The following PDCD11 variants were observed in gnomAD, a reference collection of about 807,000 sequenced individuals.
The protein encoded by PDCD11 is protein RRP5 homolog.
Under a neutral mutation model 198.9 loss-of-function variants are expected in PDCD11, and 97 were observed. The observed-to-expected ratio is 0.49, with a 90% CI of 0.41 to 0.58. PDCD11 has a LOEUF of 0.58. PDCD11 is among the 20% of genes least tolerant of loss of function. PDCD11 has a pLI of 0.00. For synonymous variants in PDCD11, 893 were observed against 918.0 expected, an observed-to-expected ratio of 0.97 and a Z score of 0.49; for missense variants, 2,102 against 2,312.7, an observed-to-expected ratio of 0.91 and a Z score of 1.87.
chr10:103,399,358 T>C (rs1230742551), intron 2 of PDCD11, among the ~76,000 whole-genome samples: 1 of 151,944 alleles, frequency 6.6e-6, no homozygotes, highest in Non-Finnish European at 1.5e-5. Flanking sequence ...CTGATGTTTT[T>C]GTTATTTTTG....
In PDCD11 at chr10:103,424,978, T is replaced by C. The variant is rs762956306; in HGVS notation, c.2764-6T>C. Reference sequence around the variant, plus strand: ...AAGCAGGGATGGTGGCTTTTCTCTCTTCTAGCTGAGGAAAGGCAGCGAACA... The same window carrying C: ...AAGCAGGGATGGTGGCTTTTCTCTCCTCTAGCTGAGGAAAGGCAGCGAACA... On this transcript the variant is annotated splice_polypyrimidine_tract_variant and splice_region_variant and intron_variant, in intron 19 of 35. Transcript: ENST00000369797. The C allele has an allele frequency of 7.4e-6, 12 of 1,613,650 alleles. No individual in the cohort carries two copies. Among genetic ancestry groups the C allele is most frequent in the South Asian group, 1.1e-5 (1 of 91,072 alleles).
chr10:103,433,044 G>A (rs546674972), intron 22 of PDCD11, among the ~76,000 whole-genome samples: 22 of 152,182 alleles, frequency 1.4e-4, no homozygotes, highest in African/African-American at 5.3e-4. Flanking sequence ...CTTCCTACAT[G>A]TTGCTTGCTG....
chr10:103,443,980 A>G lies in PDCD11; in HGVS notation c.5190A>G (p.Lys1730=), dbSNP rs1293954032. The G allele has an allele frequency of 6.2e-6, 10 of 1,613,764 alleles. No individual in the cohort carries two copies. Among genetic ancestry groups the G allele is most frequent in the Admixed American group, 5.0e-5 (3 of 59,992 alleles). The change falls in exon 34 of 36, where the codon AAA becomes AAG. Residue 1730 remains lysine (K), a synonymous_variant. Transcript: ENST00000369797. ...GGCAGGAGAAAGCTGTGTGGATCAA[A>G]TACGGCGCCTTCCTTCTGCGGAGGA... is the stretch of plus-strand genomic sequence containing the variant. ...RFRQEKAVWI[K]YGAFLLRRSQ... is the part of the protein sequence containing the mutation.
At chr10:103,409,097 A>C (rs376630880) in intron 7 of PDCD11, among the ~76,000 whole-genome samples, 11 of 152,336 alleles carry the variant, frequency 7.2e-5, no homozygotes, top group African/African-American at 2.2e-4. Flanking sequence ...TGACATTTTC[A>C]GAATTTGCAC....
chr10:103,406,460 T>A, intron 6 of PDCD11, 149 bp from the exon 7 acceptor site: 1 of 657,832 alleles, frequency 1.5e-6, no homozygotes, highest in Non-Finnish European at 2.6e-6. Context: ...CTTCTTGTAG[T>A]TGGCCCCTTA....
intron 8 of PDCD11, among the ~76,000 whole-genome samples, chr10:103,412,327 A>AT (rs977404847): frequency 2.6e-4 from 33 of 125,520 alleles, no homozygotes; most frequent in East Asian, 2.4e-4. Context: ...TGCCCGGCTA[A>AT]TTTTTTTTTT....
intron 22 of PDCD11, among the ~76,000 whole-genome samples, chr10:103,432,761 C>T (rs953850259): frequency 6.6e-6 from 1 of 152,166 alleles, no homozygotes; most frequent in Non-Finnish European, 1.5e-5. Context: ...TGAGCATGAT[C>T]GTCTCTGATG....
At chr10:103,402,282 C>G (rs1038955923) in intron 3 of PDCD11, among the ~76,000 whole-genome samples, 2 of 152,140 alleles carry the variant, frequency 1.3e-5, no homozygotes, top group African/African-American at 2.4e-5. Context: ...ATGTAAAAGG[C>G]AAAGGTGTCC....
At chr10:103,422,831 T>A (rs1477331161) in intron 17 of PDCD11, among the ~76,000 whole-genome samples, 157 bp from the exon 18 acceptor site, 1 of 152,122 alleles carries the variant, frequency 6.6e-6, no homozygotes, top group African/African-American at 2.4e-5. Context: ...TGACAAGAGT[T>A]TTCATGGATA....
In PDCD11 at chr10:103,423,021, C is replaced by T. The variant is rs2031525220; in HGVS notation, c.2531C>T (p.Thr844Ile). ...TTGATCCAGACGCTGGCCGAGATGA[C>T]CCCAGGAATGTTCCTTGACCTAGTG... ...SVLIQTLAEM[T>I]PGMFLDLVVQ... The change falls in exon 18 of 36, where the codon ACC becomes ATC. Residue 844 changes from threonine (T) to isoleucine (I), a missense_variant. Physicochemically the swap from Thr to Ile is moderately conservative, Grantham distance 89. Coordinates refer to ENST00000369797, the MANE Select transcript of PDCD11 (RefSeq NM_014976.2). 1 of 1,595,596 alleles carries T rather than the reference C, an allele frequency of 6.3e-7. No individual in the cohort carries two copies. The highest frequency in any genetic ancestry group is 8.5e-7 in the Non-Finnish European group (1 of 1,170,810).
At chr10:103,399,698 C>T (rs1270852259) in intron 2 of PDCD11, 1 of 152,092 alleles carries the variant, frequency 6.6e-6, no homozygotes, top group African/African-American at 2.4e-5. Flanking sequence ...GATTGCAATT[C>T]CATGATGAGG....
At chr10:103,430,804 C>G (rs1005040819) in intron 21 of PDCD11, among the ~76,000 whole-genome samples, 26 of 146,310 alleles carry the variant, frequency 1.8e-4, no homozygotes, top group African/African-American at 6.3e-4. Flanking sequence ...CTTTTGCTCT[C>G]TTTTTTTTTT....
At chr10:103,411,586 T>G (rs1394398593) in intron 8 of PDCD11, among the ~76,000 whole-genome samples, 3 of 152,072 alleles carry the variant, frequency 2.0e-5, no homozygotes, top group Non-Finnish European at 4.4e-5. Flanking sequence ...AGGCTGGTCT[T>G]AAACACCTGG....
chr10:103,444,215 C>T (rs982847833), intron 34 of PDCD11, 147 bp downstream of exon 34: 5 of 690,684 alleles, frequency 7.2e-6, no homozygotes, highest in Non-Finnish European at 1.2e-5. Flanking sequence ...CTCAGCATAA[C>T]AGTGCATGTT....
chr10:103,401,741 A>AT (rs879910264), intron 3 of PDCD11, among the ~76,000 whole-genome samples: 435 of 146,092 alleles, frequency 3.0e-3, no homozygotes, highest in Non-Finnish European at 3.6e-3. Context: ...GAAAACTAAA[A>AT]TTTTTTTTTT....
intron 3 of PDCD11, among the ~76,000 whole-genome samples, chr10:103,400,963 C>G (rs1284429916): frequency 6.6e-6 from 1 of 152,138 alleles, no homozygotes; most frequent in Non-Finnish European, 1.5e-5. Flanking sequence ...CTATTTTGCC[C>G]AGGTTGGTCT....
chr10:103,405,253 A>G, intron 5 of PDCD11, 70 bp downstream of exon 5: 1 of 1,490,830 alleles, frequency 6.7e-7, no homozygotes, highest in Non-Finnish European at 9.2e-7. Context: ...AGCGTGGTCT[A>G]GGCCACCTTT....
At chr10:103,428,309 GA>G (rs56689026) in intron 21 of PDCD11, among the ~76,000 whole-genome samples, 34 of 143,270 alleles carry the variant, frequency 2.4e-4, no homozygotes, top group Non-Finnish European at 2.9e-4. Context: ...CGTCTCAAAA[GA>G]AAAAAAAAAA....
At chr10:103,413,929 G>A in intron 9 of PDCD11, 37 bp from the exon 10 acceptor site, 2 of 1,574,160 alleles carry the variant, frequency 1.3e-6, no homozygotes, top group Non-Finnish European at 1.7e-6. Context: ...CAGACCTGTT[G>A]TCCCTGGCTT....
Sources: gnomAD v4.1 joint callset for allele counts (sites outside exome capture counted in the v4.1 genomes callset) on GRCh38, gnomAD v4.1.1 for gene constraint, MANE v1.5 for transcripts, NCBI Gene and HGNC (gene_info 2026-07-23, HGNC 2026-07-21) for gene names.